Variants in STIM1 observed in about 807,000 individuals in gnomAD.
STIM1 encodes the protein stromal interaction molecule 1.
Under a neutral mutation model 74.7 loss-of-function variants are expected in STIM1, and 25 were observed. The observed-to-expected ratio is 0.33, with a 90% CI of 0.24 to 0.47. The LOEUF (loss-of-function observed/expected upper bound fraction) is 0.47, where lower values mean the gene tolerates loss of function less well. STIM1 is among the 20% of genes least tolerant of loss of function. STIM1 has a pLI of 1.00. For synonymous variants in STIM1, 328 were observed against 348.8 expected (o/e 0.94, Z 0.66); for missense variants, 728 against 920.8 (o/e 0.79, Z 2.71).
At chr11:3,911,669 A>T (rs979377217) in intron 1 of STIM1, among the ~76,000 whole-genome samples, 19 of 150,562 alleles carry the variant, frequency 1.3e-4, no homozygotes, top group African/African-American at 4.6e-4. Context: ...GTGAGCCACC[A>T]CCCCTGGCTT....
chr11:4,077,661 G>A (rs1437761485), intron 7 of STIM1, among the ~76,000 whole-genome samples: 1 of 151,966 alleles, frequency 6.6e-6, no homozygotes, highest in African/African-American at 2.4e-5. Context: ...TAATATTTAT[G>A]TTAGATCTTT....
Position 4,082,912 on chromosome 11 carries a change from C to T in STIM1, c.1168C>T (p.Leu390Phe). ...GAAGATAAAAAAGAAGAGAAACACA[C>T]TCTTTGGCACCTTCCACGTGGCCCA... ...AEKIKKKRNT[L>F]FGTFHVAHSS... The change falls in exon 9 of 13, where the codon CTC (leucine) becomes TTC (phenylalanine). Residue 390 changes from leucine to phenylalanine, a missense_variant. Transcript: ENST00000526596. 2.5e-6 allele frequency: 4 copies of T among 1,614,178 alleles called. No individual in the cohort carries two copies. Among genetic ancestry groups the T allele is most frequent in the Non-Finnish European group, 3.4e-6 (4 of 1,180,020 alleles).
chr11:4,063,820 G>C (rs890321316), intron 5 of STIM1, among the ~76,000 whole-genome samples: 3 of 152,188 alleles, frequency 2.0e-5, no homozygotes, highest in African/African-American at 4.8e-5. Flanking sequence ...TGTGTTTTAT[G>C]ATTTGTATCA....
chr11:3,890,690 G>A (rs772359821), intron 1 of STIM1, among the ~76,000 whole-genome samples: 4 of 152,090 alleles, frequency 2.6e-5, no homozygotes, highest in African/African-American at 9.6e-5. Context: ...CCTGGGTGAT[G>A]GAGCAAGACT....
intron 1 of STIM1, chr11:3,892,832 T>C (rs903284036): frequency 6.2e-7 from 1 of 1,611,800 alleles, no homozygotes. Flanking sequence ...GAAGGAGACA[T>C]GGCCCAAGGG....
chr11:3,973,187 G>T (rs924175682), intron 2 of STIM1: 28 of 432,820 alleles, frequency 6.5e-5, no homozygotes, highest in Non-Finnish European at 6.3e-5. Flanking sequence ...GTTGCTACCA[G>T]ATCACCACCA....
At chr11:3,855,630 C>G (rs1315611825), upstream of STIM1, 1 of 146,534 alleles carries the variant, frequency 6.8e-6, no homozygotes, top group Non-Finnish European at 1.5e-5. Flanking sequence ...CCCCCGCCCG[C>G]CCCGGGCCCG....
intron 1 of STIM1, among the ~76,000 whole-genome samples, chr11:3,958,385 GT>G (rs1266503776): frequency 6.6e-6 from 1 of 152,192 alleles, no homozygotes; most frequent in Non-Finnish European, 1.5e-5. Flanking sequence ...GTAGTGATTT[GT>G]GTTAGTGTTG....
At chr11:3,895,999 G>A (rs1460801503) in intron 1 of STIM1, among the ~76,000 whole-genome samples, 8 of 150,712 alleles carry the variant, frequency 5.3e-5, no homozygotes, top group Non-Finnish European at 1.0e-4. Context: ...CCGCCTCCCG[G>A]GTTCACGCCA....
At chr11:3,974,792 T>G (rs189124963) in intron 2 of STIM1, among the ~76,000 whole-genome samples, 5 of 152,010 alleles carry the variant, frequency 3.3e-5, no homozygotes, top group Non-Finnish European at 4.4e-5. Context: ...TGTGTTCTGT[T>G]CAAACTTCTG....
chr11:3,977,005 T>C (rs920083501), intron 2 of STIM1, among the ~76,000 whole-genome samples: 1 of 151,720 alleles, frequency 6.6e-6, no homozygotes, highest in African/African-American at 2.4e-5. Context: ...ATGTTGGTCA[T>C]GCTGGTCTTG....
intron 1 of STIM1, among the ~76,000 whole-genome samples, chr11:3,925,634 A>T (rs576512316): frequency 1.3e-5 from 2 of 152,234 alleles, no homozygotes; most frequent in Non-Finnish European, 2.9e-5. Flanking sequence ...GTTTTTAATC[A>T]TGATAGCTTT....
chr11:3,856,526 A>C (rs117698578), intron 1 of STIM1, 117 bp downstream of exon 1: 31,525 of 1,269,642 alleles, frequency 0.025, 475 homozygotes, highest in Non-Finnish European at 0.031. Context: ...GGATTCACAC[A>C]TGGCACTGCC....
At chr11:3,895,671 TTTCCTTCCTTCC>T (rs761059057) in intron 1 of STIM1, among the ~76,000 whole-genome samples, 3,903 of 42,638 alleles carry the variant, frequency 0.092, 517 homozygotes, top group African/African-American at 0.15. Flanking sequence ...TCTTTCTTTC[TTTCCTTCCTTCC>T]TTCTTTCTTT....
At chr11:4,019,794 T>C (rs556594807) in intron 2 of STIM1, among the ~76,000 whole-genome samples, 3 of 152,334 alleles carry the variant, frequency 2.0e-5, no homozygotes, top group Non-Finnish European at 4.4e-5. Flanking sequence ...TTCTTTGTGG[T>C]GAACATTCAA....
chr11:3,879,247 C>T (rs990859933), intron 1 of STIM1, among the ~76,000 whole-genome samples: 1 of 152,154 alleles, frequency 6.6e-6, no homozygotes, highest in Admixed American at 6.5e-5. Context: ...TGAGCCACTG[C>T]GTCCAGCGTT....
chr11:3,992,132 C>A (rs1326696221), intron 2 of STIM1, among the ~76,000 whole-genome samples: 2 of 104,070 alleles, frequency 1.9e-5, no homozygotes, highest in East Asian at 3.1e-4. Context: ...AATAACTTTG[C>A]GTCCTGGTAT....
At chr11:4,068,479 G>A (rs773172705) in intron 5 of STIM1, among the ~76,000 whole-genome samples, 8 of 152,296 alleles carry the variant, frequency 5.3e-5, no homozygotes, top group Non-Finnish European at 7.4e-5. Context: ...GGCTCTGGTA[G>A]TGGCTCTGGA....
At chr11:3,919,967 A>G (rs568318748) in intron 1 of STIM1, among the ~76,000 whole-genome samples, 1 of 151,974 alleles carries the variant, frequency 6.6e-6, no homozygotes, top group East Asian at 1.9e-4. Context: ...AGCCCTTTCT[A>G]CTCAGGAGGC....
Sources: allele counts gnomAD v4.1 joint callset (sites outside exome capture counted in the v4.1 genomes callset), GRCh38; gene constraint gnomAD v4.1.1; transcripts MANE v1.5; gene names NCBI Gene and HGNC (gene_info 2026-07-23, HGNC 2026-07-21).